KCNG3: variants seen among roughly 807,000 people sequenced by gnomAD.
KCNG3 encodes the protein potassium voltage-gated channel modifier subfamily G member 3.
A neutral mutation model predicts 29.0 loss-of-function variants in KCNG3; 15 were observed. That is an observed-to-expected ratio of 0.52 (90% CI 0.35 to 0.80). The LOEUF is 0.80. KCNG3 is among the 30% of genes least tolerant of loss of function. The probability of loss-of-function intolerance (pLI) is 0.01; values close to 1 mark genes in which losing one functional copy is unlikely to be tolerated. For synonymous variants in KCNG3, 322 were observed against 248.9 expected (o/e 1.29, Z -2.76); for missense variants, 512 against 605.7 (o/e 0.85, Z 1.62).
intron 1 of KCNG3, among the ~76,000 whole-genome samples, chr2:42,453,368 G>A (rs899695468): frequency 6.6e-6 from 1 of 152,088 alleles, no homozygotes; most frequent in African/African-American, 2.4e-5. Context: ...ATTTGTTATT[G>A]TCTGTCTTTT....
intron 1 of KCNG3, among the ~76,000 whole-genome samples, chr2:42,469,613 A>G (rs1398651256): frequency 6.6e-6 from 1 of 152,094 alleles, no homozygotes; most frequent in Non-Finnish European, 1.5e-5. Flanking sequence ...TAAAGACTCA[A>G]TTTGAAATGT....
the KCNG3 span, among the ~76,000 whole-genome samples, chr2:42,427,945 C>T: frequency 2.8e-4 from 43 of 151,980 alleles, no homozygotes; most frequent in East Asian, 4.1e-3. Flanking sequence ...GTTTGGGGCC[C>T]TAAAAGCAAA....
At chr2:42,415,246 A>G in the KCNG3 span, among the ~76,000 whole-genome samples, 1 of 152,126 alleles carries the variant, frequency 6.6e-6, no homozygotes, top group African/African-American at 2.4e-5. Flanking sequence ...ATCATGCACT[A>G]CCTTATAGTG....
chr2:42,490,945 C>A (rs1673857636), intron 1 of KCNG3, among the ~76,000 whole-genome samples: 1 of 152,156 alleles, frequency 6.6e-6, no homozygotes, highest in Admixed American at 6.6e-5. Context: ...ATTCGGCCAT[C>A]CTGCAGTTTA....
rs918036278 is a variant in KCNG3 at position 42,444,336 on chromosome 2, G to C, written c.909C>G (p.Ala303=). The change falls in exon 2 of 2, where the codon GCC becomes GCG. Residue 303 remains alanine, a synonymous_variant. Coordinates refer to ENST00000306078, the MANE Select transcript of KCNG3 (RefSeq NM_133329.6). The surrounding 1 kb of genome is among the most constrained non-coding windows in gnomAD (Gnocchi z 5.8). ...MMRIFWVIKL[A]RHFIGLQTLG... is the part of the protein sequence containing the mutation. ...GTGTCTGAAGACCAATGAAGTGACG[G>C]GCAAGCTTAATCACCCAAAAAATCC... 3 of 1,614,130 alleles carry C rather than the reference G, an allele frequency of 1.9e-6. No homozygotes were observed. The Admixed American group carries it at 5.0e-5, about 27-fold the overall frequency.
At chr2:42,430,488 GC>G in the KCNG3 span, among the ~76,000 whole-genome samples, 21 of 152,040 alleles carry the variant, frequency 1.4e-4, no homozygotes, top group African/African-American at 4.3e-4. Context: ...GGTGGCTCAT[GC>G]CCGTAATCCC....
chr2:42,400,541 C>A, the KCNG3 span, among the ~76,000 whole-genome samples: 3 of 152,064 alleles, frequency 2.0e-5, no homozygotes, highest in Admixed American at 6.6e-5. Context: ...CCAAACACCC[C>A]CTCCTTGTCA....
the KCNG3 span, among the ~76,000 whole-genome samples, chr2:42,412,533 C>A: frequency 6.6e-6 from 1 of 152,082 alleles, no homozygotes. Flanking sequence ...GTAAATTTGT[C>A]AAATTCTATT....
chr2:42,479,740 G>A (rs1162233155), intron 1 of KCNG3, among the ~76,000 whole-genome samples: 3 of 152,102 alleles, frequency 2.0e-5, no homozygotes, highest in Non-Finnish European at 2.9e-5. Context: ...GGCAGGCGGG[G>A]TGACTCACGC....
At chr2:42,419,736 T>C in the KCNG3 span, among the ~76,000 whole-genome samples, 1 of 152,228 alleles carries the variant, frequency 6.6e-6, no homozygotes, top group Non-Finnish European at 1.5e-5. Context: ...TCTGGCTCTG[T>C]AGACATAACT....
intron 1 of KCNG3, among the ~76,000 whole-genome samples, chr2:42,484,495 A>T (rs567786013): frequency 6.6e-6 from 1 of 152,034 alleles, no homozygotes; most frequent in Non-Finnish European, 1.5e-5. Flanking sequence ...TAAAAGAGAA[A>T]ATCTGTATGT....
chr2:42,445,916 G>A (rs111432335), intron 1 of KCNG3, among the ~76,000 whole-genome samples: 3,486 of 151,958 alleles, frequency 0.023, 52 homozygotes, highest in South Asian at 0.032. Context: ...TAGTAGAGAT[G>A]GAGTTTCACC....
the KCNG3 span, among the ~76,000 whole-genome samples, chr2:42,392,643 C>T: frequency 6.6e-6 from 1 of 152,014 alleles, no homozygotes; most frequent in African/African-American, 2.4e-5. Flanking sequence ...ATCTCCCTGA[C>T]TGACTAAAAT....
intron 1 of KCNG3, chr2:42,463,476 T>A: frequency 6.1e-6 from 1 of 164,920 alleles, no homozygotes; most frequent in Non-Finnish European, 1.3e-5. Context: ...GAAGCTGGAA[T>A]TCATCAATCT....
chr2:42,439,275 TGA>T (rs1553325537), downstream of KCNG3, among the ~76,000 whole-genome samples: 20 of 151,234 alleles, frequency 1.3e-4, no homozygotes, highest in Non-Finnish European at 2.8e-4. Flanking sequence ...ATGATTTTTT[TGA>T]GAGAGAGAGA....
At chr2:42,490,708 G>A (rs1383092092) in intron 1 of KCNG3, among the ~76,000 whole-genome samples, 1 of 152,180 alleles carries the variant, frequency 6.6e-6, no homozygotes, top group Admixed American at 6.6e-5. Context: ...AGTCAAGATC[G>A]GCAGGTTGTC....
chr2:42,486,919 G>C (rs1673738937), intron 1 of KCNG3, among the ~76,000 whole-genome samples: 1 of 152,054 alleles, frequency 6.6e-6, no homozygotes, highest in Non-Finnish European at 1.5e-5. Flanking sequence ...AGCACTTTGG[G>C]AGGCAGAGGC....
chr2:42,431,310 CT>C, the KCNG3 span, among the ~76,000 whole-genome samples: 21 of 147,752 alleles, frequency 1.4e-4, 1 homozygote, highest in South Asian at 2.2e-4. Context: ...TCTTTGAAAG[CT>C]TTTTTTTTTC....
At chr2:42,428,474 A>AAG in the KCNG3 span, among the ~76,000 whole-genome samples, 15 of 149,832 alleles carry the variant, frequency 1.0e-4, no homozygotes, top group African/African-American at 1.7e-4. Flanking sequence ...AAAAAAAAAA[A>AAG]AAAAGAAAAG....
Sources: allele counts gnomAD v4.1 joint callset (sites outside exome capture counted in the v4.1 genomes callset), GRCh38; gene constraint gnomAD v4.1.1; non-coding constraint Gnocchi (gnomAD v3.1); transcripts MANE v1.5; gene names NCBI Gene and HGNC (gene_info 2026-07-23, HGNC 2026-07-21).